The following SLC6A11 variants were observed in gnomAD, a reference collection of about 807,000 sequenced individuals.
The protein encoded by SLC6A11 is solute carrier family 6 member 11.
In SLC6A11, 25 loss-of-function variants were observed where a neutral mutation model predicts 74.8. The ratio of observed to expected loss-of-function variants is 0.33; its 90% CI spans 0.24 to 0.47. The LOEUF (loss-of-function observed/expected upper bound fraction) is 0.47, where lower values mean the gene tolerates loss of function less well. SLC6A11 is among the 20% of genes least tolerant of loss of function. The pLI is 1.00. For missense variants in SLC6A11, 574 were observed against 837.0 expected, an observed-to-expected ratio of 0.69 and a Z score of 3.88; for synonymous variants, 330 against 330.2, an observed-to-expected ratio of 1.00 and a Z score of 0.01.
chr3:10,854,993 G>A (rs1694621091), intron 5 of SLC6A11, among the ~76,000 whole-genome samples: 1 of 152,016 alleles, frequency 6.6e-6, no homozygotes, highest in South Asian at 2.1e-4. Context: ...CGATGGATGG[G>A]TGGGTGAGTA....
At chr3:10,877,777 C>A (rs551865271) in intron 6 of SLC6A11, among the ~76,000 whole-genome samples, 1 of 152,332 alleles carries the variant, frequency 6.6e-6, no homozygotes, top group East Asian at 1.9e-4. Context: ...ATGGGCCCGA[C>A]TTTGGAGCAA....
chr3:10,873,634 C>T (rs1344482142), intron 5 of SLC6A11, among the ~76,000 whole-genome samples: 1 of 148,742 alleles, frequency 6.7e-6, no homozygotes, highest in African/African-American at 2.5e-5. Context: ...CCTATCCTGT[C>T]CTGTCCTGTC....
At chr3:10,933,685 T>A (rs1013248464) in intron 11 of SLC6A11, among the ~76,000 whole-genome samples, 3 of 152,088 alleles carry the variant, frequency 2.0e-5, no homozygotes, top group Non-Finnish European at 4.4e-5. Context: ...CTGCCATGAG[T>A]GTGGCTTGGG....
intron 5 of SLC6A11, among the ~76,000 whole-genome samples, chr3:10,868,107 A>T (rs941579001): frequency 6.6e-6 from 1 of 152,198 alleles, no homozygotes; most frequent in African/African-American, 2.4e-5. Flanking sequence ...GAATGATTGA[A>T]GTTTGGATTA....
intron 4 of SLC6A11, among the ~76,000 whole-genome samples, chr3:10,836,106 A>C (rs1694363767): frequency 6.6e-6 from 1 of 152,230 alleles, no homozygotes; most frequent in Non-Finnish European, 1.5e-5. Context: ...ATATAAATGG[A>C]ACCATACAAC....
At chr3:10,903,903 T>C (rs919629510) in intron 6 of SLC6A11, among the ~76,000 whole-genome samples, 3 of 152,044 alleles carry the variant, frequency 2.0e-5, no homozygotes, top group Non-Finnish European at 4.4e-5. Flanking sequence ...CTCCAAGAGG[T>C]AGGAAAAAGA....
chr3:10,929,328 A>T lies in SLC6A11; in HGVS notation c.1360A>T (p.Met454Leu). 6.2e-7 allele frequency: 1 copy of T among 1,613,930 alleles called. No homozygotes were observed. Among genetic ancestry groups the T allele is most frequent in the Non-Finnish European group, 8.5e-7 (1 of 1,179,956 alleles). The part of the protein sequence containing the change: ...SVISYFLGLV[M>L]LTEGGMYIFQ... ...TATCTCCTATTTTCTGGGCCTCGTG[A>T]TGTTAACAGAGGTGAGTGGCATGGT... Residue 454 changes from methionine (M) to leucine (L), a missense_variant, in exon 10 of 14, where the codon ATG becomes TTG. Coordinates refer to ENST00000254488, the MANE Select transcript of SLC6A11 (RefSeq NM_014229.3).
At chr3:10,826,101 A>T (rs1694206923) in intron 4 of SLC6A11, among the ~76,000 whole-genome samples, 2 of 152,262 alleles carry the variant, frequency 1.3e-5, no homozygotes. Flanking sequence ...GGTTAGTTTG[A>T]GAGAATTTGA....
rs1695609566 is a variant in SLC6A11, at chr3:10,926,536, G to A, written c.1233+420G>A. On this transcript the variant is annotated intron_variant, in intron 9 of 13. Coordinates refer to ENST00000254488, the MANE Select transcript of SLC6A11 (RefSeq NM_014229.3). This position sits in a 1 kb window ranked among gnomAD's most constrained non-coding sequence, Gnocchi z 5.7. Reference sequence around the variant, plus strand: ...GTCCCCATCCCAACCCAATCATTGAGGACACGGACACATAGAAAAGCACCT... The same window carrying A: ...GTCCCCATCCCAACCCAATCATTGAAGACACGGACACATAGAAAAGCACCT... Among the ~76,000 whole-genome samples, 1 of 152,026 alleles carries A rather than the reference G, an allele frequency of 6.6e-6. No individual in the cohort carries two copies. Among genetic ancestry groups the A allele is most frequent in the African/African-American group, 2.4e-5 (1 of 41,384 alleles).
chr3:10,938,231 C>T lies in SLC6A11; in HGVS notation c.1747-19C>T. The T allele has an allele frequency of 1.3e-6, 2 of 1,576,702 alleles. No homozygotes were observed. Among genetic ancestry groups the T allele is most frequent in the South Asian group, 2.3e-5 (2 of 86,606 alleles). On this transcript the variant is annotated intron_variant, in intron 13 of 13. Coordinates refer to ENST00000254488, the MANE Select transcript of SLC6A11 (RefSeq NM_014229.3). The stretch of plus-strand genomic sequence containing the variant: ...GGCAGCTAATCACTCAGATCTTCCC[C>T]TCCTCTCCAACCATCCAGAAACTCC...
chr3:10,935,045 T>C lies in SLC6A11; in HGVS notation c.1592T>C (p.Phe531Ser), dbSNP rs1695740895. Residue 531 changes from phenylalanine (F) to serine (S), a missense_variant, in exon 13 of 14, where the codon TTC (phenylalanine) becomes TCC (serine). Phe to Ser is a radical substitution (Grantham distance 155). This residue lies in a region of SLC6A11 where 257 missense variants were observed against 341.5 expected (regional missense o/e 0.75). Coordinates refer to ENST00000254488, the MANE Select transcript of SLC6A11 (RefSeq NM_014229.3). ...PGICAGIFIF[F>S]LIKYKPLKYN... ...TCTCTGCAGGGGATCTTCATCTTCTTCTTGATCAAGTACAAGCCACTCAAG... is the reference window on the plus strand; with the variant it reads ...TCTCTGCAGGGGATCTTCATCTTCTCCTTGATCAAGTACAAGCCACTCAAG... 1 of 1,614,046 alleles carries C rather than the reference T, an allele frequency of 6.2e-7. No individual in the cohort carries two copies. Among genetic ancestry groups the C allele is most frequent in the Non-Finnish European group, 8.5e-7 (1 of 1,179,952 alleles).
chr3:10,818,500 A>G (rs1694093741), intron 1 of SLC6A11, among the ~76,000 whole-genome samples: 1 of 152,234 alleles, frequency 6.6e-6, no homozygotes, highest in Admixed American at 6.5e-5. Context: ...ACTTTAAATT[A>G]GCTGCTTGCC....
chr3:10,859,240 A>G (rs544912743), intron 5 of SLC6A11, among the ~76,000 whole-genome samples: 2 of 152,198 alleles, frequency 1.3e-5, no homozygotes, highest in African/African-American at 2.4e-5. Context: ...TGAAATAAGC[A>G]AGAGTATGAG....
At chr3:10,838,104 C>A (rs62238705) in intron 4 of SLC6A11, among the ~76,000 whole-genome samples, 1 of 152,194 alleles carries the variant, frequency 6.6e-6, no homozygotes, top group Non-Finnish European at 1.5e-5. Context: ...ATCTGTTTGC[C>A]GGCTCCGTGC....
rs905515634 is a variant in SLC6A11, at chr3:10,918,882, C to G, written c.1120+429C>G. On this transcript the variant is annotated intron_variant, in intron 8 of 13. Coordinates refer to ENST00000254488, the MANE Select transcript of SLC6A11 (RefSeq NM_014229.3). This position sits in a 1 kb window ranked among gnomAD's most constrained non-coding sequence, Gnocchi z 4.5. ...TGAACATGTCTTCTCTGATGAAAAG[C>G]CTTTCTTGGCTTCTCATAGTGCTGG... is the stretch of plus-strand genomic sequence containing the variant. Among the ~76,000 whole-genome samples, 4 of 152,014 alleles carry G rather than the reference C, an allele frequency of 2.6e-5. No individual in the cohort carries two copies. The highest frequency in any genetic ancestry group is 7.2e-5 in the African/African-American group (3 of 41,420).
In SLC6A11 at chr3:10,889,902, G is replaced by A. The variant is rs567929876; in HGVS notation, c.891+14807G>A. ...GCCCTCGCTCCCATGCCAGGGGGGA[G>A]AGAGAGAGAGAGGATCACTTCAGAG... On this transcript the variant is annotated intron_variant, in intron 6 of 13. Coordinates refer to ENST00000254488, the MANE Select transcript of SLC6A11 (RefSeq NM_014229.3). Among the ~76,000 whole-genome samples, 5 of 151,772 alleles carry A rather than the reference G, an allele frequency of 3.3e-5. No homozygotes were observed. In the South Asian group the frequency reaches 8.3e-4, roughly 25 times the overall value.
chr3:10,886,638 C>T (rs2106612696), intron 6 of SLC6A11, among the ~76,000 whole-genome samples: 1 of 152,278 alleles, frequency 6.6e-6, no homozygotes, highest in Non-Finnish European at 1.5e-5. Flanking sequence ...GAAGCCCCAT[C>T]TCTACTAAAA....
Position 10,819,532 on chromosome 3 carries a change from A to T in SLC6A11, c.324A>T (p.Thr108=), listed in dbSNP as rs150617119. The T allele has an allele frequency of 8.7e-5, 140 of 1,614,014 alleles. No individual in the cohort carries two copies. The East Asian group carries it at 3.1e-3, about 35-fold the overall frequency. The change falls in exon 2 of 14, where the codon ACA becomes ACT. Residue 108 remains threonine, a synonymous_variant. Coordinates refer to ENST00000254488, the MANE Select transcript of SLC6A11 (RefSeq NM_014229.3). ...GAATTCCTGTTTTTTTCCTGGAGAC[A>T]GCTCTGGGGCAGTTCACAAGTGAAG... ...CCGIPVFFLE[T]ALGQFTSEGG... is the part of the protein sequence containing the mutation.
intron 6 of SLC6A11, among the ~76,000 whole-genome samples, chr3:10,887,446 T>G (rs377133043): frequency 6.6e-6 from 1 of 152,170 alleles, no homozygotes; most frequent in East Asian, 1.9e-4. Flanking sequence ...ACACAGTCTT[T>G]TCTTTTTTTT....
Sources: allele counts gnomAD v4.1 joint callset (sites outside exome capture counted in the v4.1 genomes callset), GRCh38; gene constraint gnomAD v4.1.1; regional missense constraint gnomAD v4.1.1; non-coding constraint Gnocchi (gnomAD v3.1); transcripts MANE v1.5; gene names NCBI Gene and HGNC (gene_info 2026-07-23, HGNC 2026-07-21).